The following NXPH1 variants were observed in gnomAD, a reference collection of about 807,000 sequenced individuals.
NXPH1 encodes the protein neurexophilin 1, also known as neurexophilin-1.
Under a neutral mutation model 23.7 loss-of-function variants are expected in NXPH1, and 5 were observed. That is an observed-to-expected ratio of 0.21 (90% CI 0.11 to 0.44). The LOEUF is 0.44. Among genes scored for constraint, NXPH1 ranks in the 20% least tolerant of loss-of-function variants. The pLI is 0.99. For missense variants in NXPH1, 324 were observed against 321.6 expected, an observed-to-expected ratio of 1.01 and a Z score of -0.06; for synonymous variants, 144 against 122.2, an observed-to-expected ratio of 1.18 and a Z score of -1.18.
intron 2 of NXPH1, among the ~76,000 whole-genome samples, chr7:8,601,148 G>A (rs1187806102): frequency 6.6e-6 from 1 of 151,992 alleles, no homozygotes; most frequent in Non-Finnish European, 1.5e-5. Flanking sequence ...CAGATACCGA[G>A]GGATGAGTTT....
chr7:8,444,691 C>CTCGTCTTCA (rs1411590703), intron 2 of NXPH1, among the ~76,000 whole-genome samples: 2 of 152,210 alleles, frequency 1.3e-5, no homozygotes, highest in South Asian at 2.1e-4. Flanking sequence ...TTGTCAGTGC[C>CTCGTCTTCA]TCGTCTTCAT....
chr7:8,687,537 T>C (rs1821166174), intron 2 of NXPH1, among the ~76,000 whole-genome samples: 1 of 152,220 alleles, frequency 6.6e-6, no homozygotes, highest in Non-Finnish European at 1.5e-5. Flanking sequence ...CTGTAATATT[T>C]ATGTCTCTGG....
intron 2 of NXPH1, among the ~76,000 whole-genome samples, chr7:8,534,430 A>G (rs1158739981): frequency 1.3e-5 from 2 of 152,138 alleles, no homozygotes; most frequent in South Asian, 2.1e-4. Context: ...GTGTAAAAAC[A>G]TCTTCCACAC....
At chr7:8,621,676 G>C (rs548891836) in intron 2 of NXPH1, among the ~76,000 whole-genome samples, 1 of 152,094 alleles carries the variant, frequency 6.6e-6, no homozygotes, top group South Asian at 2.1e-4. Flanking sequence ...AGTAGAGACA[G>C]GGTTTCACCA....
At chr7:8,685,924 G>A (rs890834965) in intron 2 of NXPH1, among the ~76,000 whole-genome samples, 1 of 152,040 alleles carries the variant, frequency 6.6e-6, no homozygotes, top group African/African-American at 2.4e-5. Context: ...AGTGTAATTG[G>A]ATTGGTTGTA....
intron 2 of NXPH1, among the ~76,000 whole-genome samples, chr7:8,745,361 C>T (rs1282296331): frequency 7.5e-6 from 1 of 132,510 alleles, no homozygotes; most frequent in South Asian, 2.4e-4. Context: ...AATCTACTCT[C>T]TTAGCATGGT....
intron 2 of NXPH1, among the ~76,000 whole-genome samples, chr7:8,648,413 A>T (rs1562441991): frequency 1.3e-5 from 2 of 152,120 alleles, no homozygotes; most frequent in Non-Finnish European, 2.9e-5. Context: ...AGAATATGTG[A>T]TGTTTGTTTT....
intron 2 of NXPH1, among the ~76,000 whole-genome samples, chr7:8,602,578 A>T (rs1037700575): frequency 1.3e-5 from 2 of 152,136 alleles, no homozygotes. Context: ...TTACTCTGCT[A>T]TTCAGCTCAT....
rs1347823134 is a variant in NXPH1, at chr7:8,435,851, C to G, written c.54+84C>G. On this transcript the variant is annotated intron_variant, in intron 2 of 2. Transcript: ENST00000405863. This position sits in a 1 kb window ranked among gnomAD's most constrained non-coding sequence, Gnocchi z 5.9. The stretch of plus-strand genomic sequence containing the variant: ...CTGGGGACACGCGGGAGAAGGGTTA[C>G]GCCGCCAGTTCAGTGAGAGCAGCTT... 2 of 1,290,874 alleles carry G rather than the reference C, an allele frequency of 1.5e-6. No homozygotes were observed. Among genetic ancestry groups the G allele is most frequent in the East Asian group, 2.3e-5 (1 of 43,372 alleles). 80.0% of individuals were successfully genotyped at this position (1,290,874 alleles called of 1,614,324 possible).
chr7:8,574,961 A>G (rs754254816), intron 2 of NXPH1, among the ~76,000 whole-genome samples: 1 of 152,198 alleles, frequency 6.6e-6, no homozygotes, highest in Non-Finnish European at 1.5e-5. Flanking sequence ...ACCACCAGAC[A>G]TGCTTGGTTA....
chr7:8,567,316 A>G (rs542956817), intron 2 of NXPH1, among the ~76,000 whole-genome samples: 16 of 152,048 alleles, frequency 1.1e-4, no homozygotes, highest in African/African-American at 3.6e-4. Flanking sequence ...CCTTTGGTTC[A>G]TGTTTGCGCC....
chr7:8,670,908 G>A (rs1820858792), intron 2 of NXPH1, among the ~76,000 whole-genome samples: 1 of 152,136 alleles, frequency 6.6e-6, no homozygotes, highest in East Asian at 1.9e-4. Context: ...CATACACAGT[G>A]TATTAGGTAA....
intron 2 of NXPH1, among the ~76,000 whole-genome samples, chr7:8,557,385 A>G (rs539000677): frequency 6.6e-6 from 1 of 151,766 alleles, no homozygotes; most frequent in South Asian, 2.1e-4. Context: ...TTCCTTTAAA[A>G]CATTCAGAAG....
chr7:8,541,863 C>CT (rs1818122661), intron 2 of NXPH1, among the ~76,000 whole-genome samples: 1 of 151,340 alleles, frequency 6.6e-6, no homozygotes, highest in Non-Finnish European at 1.5e-5. Context: ...AATAACAAAA[C>CT]TAACAACAGA....
At chr7:8,746,703 G>A (rs946650151) in intron 2 of NXPH1, among the ~76,000 whole-genome samples, 3 of 152,194 alleles carry the variant, frequency 2.0e-5, no homozygotes, top group African/African-American at 7.2e-5. Context: ...CTTAATGTGA[G>A]TTCTACCCTC....
intron 2 of NXPH1, among the ~76,000 whole-genome samples, chr7:8,662,472 T>C (rs1013053157): frequency 6.6e-6 from 1 of 152,082 alleles, no homozygotes; most frequent in Non-Finnish European, 1.5e-5. Flanking sequence ...AATGAGAAAA[T>C]GTACTTTGAC....
In NXPH1 at chr7:8,745,912, G is replaced by C. The variant is rs137901133; in HGVS notation, c.55-5096G>C. 5.3e-4 allele frequency among the ~76,000 whole-genome samples: 80 copies of C among 152,074 alleles called. No individual in the cohort carries two copies. In the Middle Eastern group the frequency reaches 0.017, roughly 32 times the overall value. On this transcript the variant is annotated intron_variant, in intron 2 of 2. Transcript: ENST00000405863. ...AACTCCTCTGGCCCATGCACTAGCT[G>C]TTAAAGTACCAAGCCTCTTTTATCT...
intron 2 of NXPH1, among the ~76,000 whole-genome samples, chr7:8,446,583 A>T (rs1040043215): frequency 1.3e-5 from 2 of 152,206 alleles, no homozygotes; most frequent in African/African-American, 4.8e-5. Context: ...AGGCTTTTTG[A>T]ATGTAGTTAA....
At chr7:8,520,258 T>A (rs77602686) in intron 2 of NXPH1, among the ~76,000 whole-genome samples, 3 of 152,138 alleles carry the variant, frequency 2.0e-5, no homozygotes, top group Admixed American at 6.6e-5. Context: ...AATATAAGGT[T>A]TTTTTGCAAG....
Sources: gnomAD v4.1 joint callset for allele counts (sites outside exome capture counted in the v4.1 genomes callset) on GRCh38, gnomAD v4.1.1 for gene constraint, Gnocchi (gnomAD v3.1) non-coding constraint, MANE v1.5 for transcripts, NCBI Gene and HGNC (gene_info 2026-07-23, HGNC 2026-07-21) for gene names.